Variants in MSRB3 observed in about 807,000 individuals in gnomAD.
The protein encoded by MSRB3 is methionine sulfoxide reductase B3.
A neutral mutation model predicts 21.0 loss-of-function variants in MSRB3; 13 were observed. The observed-to-expected ratio is 0.62, with a 90% CI of 0.40 to 0.98. The LOEUF is 0.98. Among genes scored for constraint, MSRB3 ranks in the 50% least tolerant of loss-of-function variants. MSRB3 has a pLI of 0.00. For synonymous variants in MSRB3, 87 were observed against 88.6 expected (o/e 0.98, Z 0.10); for missense variants, 199 against 230.3 (o/e 0.86, Z 0.88).
chr12:65,332,053 A>G (rs1409708714), intron 4 of MSRB3, among the ~76,000 whole-genome samples: 2 of 152,178 alleles, frequency 1.3e-5, no homozygotes, highest in Non-Finnish European at 2.9e-5. Context: ...CTGACAAAGA[A>G]AGAAGTATTT....
Position 65,462,230 on chromosome 12 carries a change from C to T in MSRB3, c.391-925C>T, listed in dbSNP as rs117070597. Among the ~76,000 whole-genome samples the T allele has an allele frequency of 4.2e-4, 64 of 152,262 alleles. No homozygotes were observed. In the East Asian group the frequency reaches 0.011, roughly 26 times the overall value. Reference sequence around the variant, plus strand: ...GGTGCACCAGTGTCTCCATCTCGTTCGCCCCATCCCTGATGGAAAAGGGCA... The same window carrying T: ...GGTGCACCAGTGTCTCCATCTCGTTTGCCCCATCCCTGATGGAAAAGGGCA... On this transcript the variant is annotated intron_variant, in intron 6 of 6. Transcript: ENST00000308259.
intron 5 of MSRB3, among the ~76,000 whole-genome samples, chr12:65,428,789 G>C (rs1185983725): frequency 6.6e-6 from 1 of 152,030 alleles, no homozygotes; most frequent in Non-Finnish European, 1.5e-5. Flanking sequence ...TTAGCAATTG[G>C]TATTTTAGAA....
chr12:65,446,087 A>G lies in MSRB3; in HGVS notation c.293-7641A>G, dbSNP rs574256603. Among the ~76,000 whole-genome samples the G allele has an allele frequency of 1.6e-4, 25 of 152,226 alleles. No homozygotes were observed. In the East Asian group the frequency reaches 4.8e-3, roughly 29 times the overall value. On this transcript the variant is annotated intron_variant, in intron 5 of 6. Transcript: ENST00000308259. Reference sequence around the variant, plus strand: ...CTGGACTGAACTAGTTTGCTTCTTGAGACTATTGTTGGTTTGAAGTAATGA... The same window carrying G: ...CTGGACTGAACTAGTTTGCTTCTTGGGACTATTGTTGGTTTGAAGTAATGA...
chr12:65,313,737 C>T (rs1874127727), intron 2 of MSRB3, among the ~76,000 whole-genome samples: 1 of 152,090 alleles, frequency 6.6e-6, no homozygotes, highest in Non-Finnish European at 1.5e-5. Context: ...ACCATTCTTA[C>T]CCAACATCTG....
chr12:65,399,175 G>T (rs1879979367), intron 5 of MSRB3, among the ~76,000 whole-genome samples: 1 of 152,118 alleles, frequency 6.6e-6, no homozygotes, highest in Admixed American at 6.5e-5. Flanking sequence ...AGATAGCATT[G>T]AATCCATAAA....
chr12:65,363,083 C>T (rs1030694362), intron 4 of MSRB3, among the ~76,000 whole-genome samples: 1 of 152,164 alleles, frequency 6.6e-6, no homozygotes, highest in Admixed American at 6.5e-5. Context: ...CAGGCTGTCA[C>T]CCCTGCTCCT....
chr12:65,328,193 T>G lies in MSRB3; in HGVS notation c.186-333T>G, dbSNP rs147265921. The stretch of plus-strand genomic sequence containing the variant: ...TTTTCTGGTATATACTCTTGCACAC[T>G]GTAAAGTAGCAAAATCTTATGTAAT... On this transcript the variant is annotated intron_variant, in intron 3 of 6. Transcript: ENST00000308259. 3.3e-5 allele frequency among the ~76,000 whole-genome samples: 5 copies of G among 152,268 alleles called. No homozygotes were observed. In the East Asian group the frequency reaches 9.6e-4, roughly 29 times the overall value.
rs1883585126 is a variant in MSRB3, at chr12:65,466,602, TC to T, written c.*3283del. On this transcript the variant is annotated 3_prime_UTR_variant, in exon 7 of 7. Coordinates refer to ENST00000308259, the MANE Select transcript of MSRB3 (RefSeq NM_001031679.3). ...AGCAATATCTGTTACTAGAGAACAT[TC>T]CCATGTGTTTAAACTCTTCACTTCT... 1 of 152,228 alleles carries T rather than the reference TC, an allele frequency of 6.6e-6. No homozygotes were observed. Among genetic ancestry groups the T allele is most frequent in the African/African-American group, 2.4e-5 (1 of 41,470 alleles). 9.4% of individuals were successfully genotyped at this position (152,228 alleles called of 1,614,324 possible). A position where few individuals can be genotyped will look rare whatever the true frequency, so the allele number is the denominator to read the frequency against.
At chr12:65,416,682 A>G (rs777917764) in intron 5 of MSRB3, among the ~76,000 whole-genome samples, 6 of 152,242 alleles carry the variant, frequency 3.9e-5, no homozygotes, top group Admixed American at 1.3e-4. Flanking sequence ...AAGACGTTAC[A>G]ATGGCTAAGA....
chr12:65,358,038 G>C (rs1045818333), intron 4 of MSRB3, among the ~76,000 whole-genome samples: 1 of 151,890 alleles, frequency 6.6e-6, no homozygotes, highest in Non-Finnish European at 1.5e-5. Context: ...CTTGAAGGCA[G>C]AGTATCTCTA....
At chr12:65,328,686 C>T in intron 4 of MSRB3, 83 bp downstream of exon 4, 2 of 925,540 alleles carry the variant, frequency 2.2e-6, no homozygotes. Context: ...TAGAATCTTT[C>T]CATTGCTGAA....
intron 4 of MSRB3, among the ~76,000 whole-genome samples, chr12:65,352,710 C>T (rs1877099899): frequency 6.6e-6 from 1 of 151,514 alleles, no homozygotes; most frequent in Admixed American, 6.6e-5. Flanking sequence ...AACTCCCATT[C>T]ACAATTGCTT....
chr12:65,389,544 C>G (rs1370396203), intron 5 of MSRB3, among the ~76,000 whole-genome samples: 1 of 152,136 alleles, frequency 6.6e-6, no homozygotes, highest in African/African-American at 2.4e-5. Flanking sequence ...CACTCTAATT[C>G]TTGCTATCCT....
chr12:65,402,579 G>C (rs1880190346), intron 5 of MSRB3, among the ~76,000 whole-genome samples: 1 of 152,110 alleles, frequency 6.6e-6, no homozygotes, highest in African/African-American at 2.4e-5. Context: ...AGCTCGAGGA[G>C]TTTATTATTA....
chr12:65,294,741 C>G (rs1872855690), intron 1 of MSRB3, among the ~76,000 whole-genome samples: 1 of 151,168 alleles, frequency 6.6e-6, no homozygotes, highest in African/African-American at 2.4e-5. Context: ...TTTGATGACA[C>G]TCTTTGTACT....
At chr12:65,309,972 A>G (rs1185266656) in intron 2 of MSRB3, among the ~76,000 whole-genome samples, 4 of 152,184 alleles carry the variant, frequency 2.6e-5, no homozygotes, top group Non-Finnish European at 4.4e-5. Flanking sequence ...CAGGAATCAC[A>G]TGACTTCATT....
chr12:65,363,076 G>T (rs540241633), intron 4 of MSRB3, among the ~76,000 whole-genome samples: 5 of 152,284 alleles, frequency 3.3e-5, no homozygotes, highest in African/African-American at 1.2e-4. Context: ...CAAAAATCAG[G>T]CTGTCACCCC....
chr12:65,414,845 T>A (rs1331323308), intron 5 of MSRB3, among the ~76,000 whole-genome samples: 1 of 152,154 alleles, frequency 6.6e-6, no homozygotes, highest in Non-Finnish European at 1.5e-5. Flanking sequence ...GTAGAATAAG[T>A]TCAGGTGGGG....
At chr12:65,372,003 G>A (rs1352411502) in intron 5 of MSRB3, among the ~76,000 whole-genome samples, 1 of 152,050 alleles carries the variant, frequency 6.6e-6, no homozygotes, top group African/African-American at 2.4e-5. Flanking sequence ...TTAATTATTT[G>A]CCGAATTTGT....
Sources: allele counts gnomAD v4.1 joint callset (sites outside exome capture counted in the v4.1 genomes callset), GRCh38; gene constraint gnomAD v4.1.1; transcripts MANE v1.5; gene names NCBI Gene and HGNC (gene_info 2026-07-23, HGNC 2026-07-21).